Variants in STXBP3 observed in about 807,000 individuals in gnomAD.
STXBP3 encodes the protein syntaxin binding protein 3.
A neutral mutation model predicts 85.7 loss-of-function variants in STXBP3; 41 were observed. That is an observed-to-expected ratio of 0.48 (90% CI 0.37 to 0.62). STXBP3 has a LOEUF of 0.62. Ranked by LOEUF, STXBP3 falls within the 20% of genes least tolerant of loss-of-function variation. STXBP3 has a pLI of 0.00. For synonymous variants in STXBP3, 229 were observed against 231.7 expected (o/e 0.99, Z 0.10); for missense variants, 563 against 703.1 (o/e 0.80, Z 2.25).
At chr1:108,760,994 C>G (rs1218063373) in intron 6 of STXBP3, among the ~76,000 whole-genome samples, 2 of 152,090 alleles carry the variant, frequency 1.3e-5, no homozygotes, top group Non-Finnish European at 2.9e-5. Context: ...ACCTCCATCT[C>G]CCAAGTTCAA....
rs184378432 is a variant in STXBP3 at position 108,746,985 on chromosome 1, G to A, written c.49+199G>A. Among the ~76,000 whole-genome samples the A allele has an allele frequency of 2.5e-3, 376 of 152,240 alleles. 1 individual carries two copies. The highest frequency in any genetic ancestry group is 3.8e-3 in the Non-Finnish European group (259 of 68,010). On this transcript the variant is annotated intron_variant, in intron 1 of 18. Transcript: ENST00000370008. ...GCACCAGGGATGGGCGGGGTGCGAC[G>A]GGACGCGGCCTTCTCGTTGGCGTCG...
chr1:108,765,591 T>TTTTTTTTTTTTTTC (rs796642937), intron 6 of STXBP3, among the ~76,000 whole-genome samples: 3 of 122,654 alleles, frequency 2.4e-5, no homozygotes, highest in Non-Finnish European at 3.4e-5. Context: ...TTTTTTTTTT[T>TTTTTTTTTTTTTTC]TGAGACGGAG....
At chr1:108,800,197 G>A in intron 16 of STXBP3, 23 bp from the exon 17 acceptor site, 4 of 1,538,990 alleles carry the variant, frequency 2.6e-6, no homozygotes, top group Non-Finnish European at 3.6e-6. Context: ...TTTATTGATG[G>A]AATTAACTCT....
chr1:108,808,449 A>G (rs185987906), intron 18 of STXBP3, among the ~76,000 whole-genome samples: 2 of 152,326 alleles, frequency 1.3e-5, no homozygotes, highest in Admixed American at 1.3e-4. Flanking sequence ...GACCTGCAGC[A>G]CTGCTTAGTG....
chr1:108,746,928 C>T, intron 1 of STXBP3, 142 bp downstream of exon 1: 1 of 786,080 alleles, frequency 1.3e-6, no homozygotes. Flanking sequence ...AGGACTTCTT[C>T]CTGCTTTCCT....
Position 108,796,234 on chromosome 1 carries a change from G to A in STXBP3, c.1111G>A (p.Asp371Asn). 1.2e-6 allele frequency: 2 copies of A among 1,605,990 alleles called. No homozygotes were observed. The highest frequency in any genetic ancestry group is 1.7e-6 in the Non-Finnish European group (2 of 1,177,732). ...CTGACAATATTTTATTTTCATTAAGGACCTGGCACTTGGAACTGATGCAGA... is the reference window on the plus strand; with the variant it reads ...CTGACAATATTTTATTTTCATTAAGAACCTGGCACTTGGAACTGATGCAGA... ...NIEKLCKTEQ[D>N]LALGTDAEGQ... The change falls in exon 14 of 19, where the codon GAC (aspartate) becomes AAC (asparagine). Residue 371 changes from aspartate to asparagine, a missense_variant and splice_region_variant. Around this residue, in one of 3 missense-constraint regions of STXBP3, gnomAD observed 494 missense variants for 592.8 expected, o/e 0.83. Coordinates refer to ENST00000370008, the MANE Select transcript of STXBP3 (RefSeq NM_007269.4).
Position 108,752,293 on chromosome 1 carries a change from A to C in STXBP3, c.86A>C (p.Glu29Ala), listed in dbSNP as rs145155060. 6.2e-7 allele frequency: 1 copy of C among 1,611,700 alleles called. No individual in the cohort carries two copies. The highest frequency in any genetic ancestry group is 1.7e-5 in the Admixed American group (1 of 59,826). The change falls in exon 2 of 19, where the codon GAA becomes GCA. Residue 29 changes from glutamate (E) to alanine (A), a missense_variant. Physicochemically the swap from Glu to Ala is moderately radical, Grantham distance 107 (BLOSUM62 -1). Coordinates refer to ENST00000370008, the MANE Select transcript of STXBP3 (RefSeq NM_007269.4). ...KATVFDDCKK[E>A]GEWKIMLLDE... ...ACAGTGTTTGATGACTGCAAGAAAG[A>C]AGGCGAATGGAAGGTAGAGTTTGCA...
At chr1:108,770,228 A>G (rs903630336) in intron 6 of STXBP3, among the ~76,000 whole-genome samples, 5 of 152,206 alleles carry the variant, frequency 3.3e-5, no homozygotes, top group Admixed American at 1.3e-4. Flanking sequence ...CCAGGACCTC[A>G]AGGCTTCAGT....
At chr1:108,757,440 C>T (rs1362343889) in intron 4 of STXBP3, among the ~76,000 whole-genome samples, 2 of 151,906 alleles carry the variant, frequency 1.3e-5, no homozygotes, top group Non-Finnish European at 2.9e-5. Flanking sequence ...TTTTTAGTCT[C>T]TACATGTTGG....
Position 108,746,698 on chromosome 1 carries a change from G to A in STXBP3, c.-40G>A. On this transcript the variant is annotated 5_prime_UTR_variant, in exon 1 of 19. Transcript: ENST00000370008. ...CGCTTCTGCGGCCAAAGTAGGTTGGGAGTGGAAGGTGGTGGCTGCTGCTCC... is the reference window on the plus strand; with the variant it reads ...CGCTTCTGCGGCCAAAGTAGGTTGGAAGTGGAAGGTGGTGGCTGCTGCTCC... 6.5e-7 allele frequency: 1 copy of A among 1,548,022 alleles called. No homozygotes were observed. Among genetic ancestry groups the A allele is most frequent in the Non-Finnish European group, 8.7e-7 (1 of 1,145,380 alleles).
chr1:108,749,365 GAGAA>G (rs1201228699), intron 1 of STXBP3, among the ~76,000 whole-genome samples: 1 of 152,166 alleles, frequency 6.6e-6, no homozygotes, highest in African/African-American at 2.4e-5. Context: ...AGTTCAAAGA[GAGAA>G]AGGCTGTAAG....
intron 15 of STXBP3, among the ~76,000 whole-genome samples, chr1:108,796,988 T>C (rs1663116969): frequency 6.6e-6 from 1 of 152,162 alleles, no homozygotes; most frequent in Non-Finnish European, 1.5e-5. Flanking sequence ...ACAATTGTCA[T>C]ATTTTAGTTA....
At chr1:108,756,565 GTTTTCATATTATTTGTAAATGTA>G (rs1280193934) in intron 3 of STXBP3, 102 bp from the exon 4 acceptor site, 4 of 462,102 alleles carry the variant, frequency 8.7e-6, no homozygotes, top group Non-Finnish European at 1.4e-5. Flanking sequence ...AAATGTTTTT[GTTTTCATATTATTTGTAAATGTA>G]TTTTCATATT....
At chr1:108,759,085 G>A (rs1273136074) in intron 5 of STXBP3, 6 of 152,006 alleles carry the variant, frequency 3.9e-5, no homozygotes, top group Non-Finnish European at 8.8e-5. Flanking sequence ...ATAGAAAACT[G>A]GTAACTAAAG....
intron 11 of STXBP3, among the ~76,000 whole-genome samples, chr1:108,786,067 G>C (rs1662818229): frequency 6.6e-6 from 1 of 152,124 alleles, no homozygotes; most frequent in Non-Finnish European, 1.5e-5. Flanking sequence ...CTTCACAGTA[G>C]CACCCCACTC....
intron 6 of STXBP3, among the ~76,000 whole-genome samples, chr1:108,761,879 A>G (rs1269276667): frequency 6.6e-6 from 1 of 152,122 alleles, no homozygotes; most frequent in Non-Finnish European, 1.5e-5. Flanking sequence ...AGCCTGAGGC[A>G]GGAGAATCAT....
At chr1:108,805,222 C>T (rs1314287976) in intron 17 of STXBP3, among the ~76,000 whole-genome samples, 3 of 152,138 alleles carry the variant, frequency 2.0e-5, no homozygotes, top group Non-Finnish European at 2.9e-5. Flanking sequence ...CTCTATTTCT[C>T]TCTGTTGAAA....
In STXBP3 at chr1:108,787,776, T is replaced by G. The variant is rs1004489844; in HGVS notation, c.963+5070T>G. On this transcript the variant is annotated intron_variant, in intron 11 of 18. Transcript: ENST00000370008. Reference sequence around the variant, plus strand: ...ACCAACAGGTTTTTATGTGTTTCTGTTTTTTGTTTTTTTCTTTTTTCTTTT... The same window carrying G: ...ACCAACAGGTTTTTATGTGTTTCTGGTTTTTGTTTTTTTCTTTTTTCTTTT... 2.6e-5 allele frequency among the ~76,000 whole-genome samples: 4 copies of G among 151,964 alleles called. No homozygotes were observed. In the East Asian group the frequency reaches 5.8e-4, roughly 22 times the overall value.
intron 7 of STXBP3, among the ~76,000 whole-genome samples, chr1:108,773,734 A>C (rs915420206): frequency 2.0e-5 from 3 of 152,106 alleles, no homozygotes; most frequent in African/African-American, 4.8e-5. Flanking sequence ...CATGCTGCAC[A>C]TCTTTGGGAT....
Sources: gnomAD v4.1 joint callset for allele counts (sites outside exome capture counted in the v4.1 genomes callset) on GRCh38, gnomAD v4.1.1 for gene constraint, gnomAD v4.1.1 regional missense constraint, MANE v1.5 for transcripts, NCBI Gene and HGNC (gene_info 2026-07-23, HGNC 2026-07-21) for gene names.